SPATA6: variants seen among roughly 807,000 people sequenced by gnomAD.
SPATA6 encodes spermatogenesis-associated protein 6.
SPATA6 carries 56 observed loss-of-function variants against 65.3 expected under a neutral mutation model. The ratio of observed to expected loss-of-function variants is 0.86; its 90% CI spans 0.69 to 1.07. SPATA6 has a LOEUF of 1.07. Ranked by LOEUF, SPATA6 falls within the 50% of genes least tolerant of loss-of-function variation. SPATA6 has a pLI of 0.00. For missense variants in SPATA6, 590 were observed against 594.8 expected (o/e 0.99, Z 0.08); for synonymous variants, 199 against 213.2 (o/e 0.93, Z 0.58).
rs145327091 is a variant in SPATA6 at position 48,323,055 on chromosome 1, G to A, written c.1195-17177C>T. 9.1e-4 allele frequency among the ~76,000 whole-genome samples: 138 copies of A among 152,254 alleles called. 1 individual carries two copies. In the East Asian group the frequency reaches 0.023, roughly 26 times the overall value. On this transcript the variant is annotated intron_variant, in intron 11 of 12. Transcript: ENST00000371847. ...AGAACTAGAAATACCATTTGACCCA[G>A]CAATCCCATTACTGGGTATATACCC...
chr1:48,324,563 C>A (rs533941913), intron 11 of SPATA6, among the ~76,000 whole-genome samples: 1 of 152,070 alleles, frequency 6.6e-6, no homozygotes, highest in African/African-American at 2.4e-5. Flanking sequence ...CAATGTGATA[C>A]ATCGTATCAA....
chr1:48,406,264 G>A (rs1458334750), intron 5 of SPATA6, among the ~76,000 whole-genome samples: 1 of 152,062 alleles, frequency 6.6e-6, no homozygotes, highest in Non-Finnish European at 1.5e-5. Flanking sequence ...TTGTTCATCA[G>A]TAAACCTCAG....
At chr1:48,332,317 T>C (rs1037833216) in intron 11 of SPATA6, among the ~76,000 whole-genome samples, 3 of 152,090 alleles carry the variant, frequency 2.0e-5, no homozygotes, top group African/African-American at 4.8e-5. Context: ...CAGGACCCAA[T>C]AGTATGCTGT....
At chr1:48,355,594 T>C (rs1393703152) in intron 11 of SPATA6, 76 bp downstream of exon 11, 1 of 1,012,320 alleles carries the variant, frequency 9.9e-7, no homozygotes, top group African/African-American at 1.7e-5. Context: ...GACTAAATTT[T>C]GTAAGCTTTA....
At chr1:48,370,275 T>C (rs1057300416) in intron 9 of SPATA6, among the ~76,000 whole-genome samples, 6 of 152,028 alleles carry the variant, frequency 3.9e-5, no homozygotes, top group African/African-American at 1.4e-4. Flanking sequence ...TACAAATAAT[T>C]CAAATGGAAT....
At chr1:48,281,584 A>G in the SPATA6 span, among the ~76,000 whole-genome samples, 1 of 151,896 alleles carries the variant, frequency 6.6e-6, no homozygotes, top group South Asian at 2.1e-4. Flanking sequence ...CCCATTCACA[A>G]TTGCTTCAAA....
At chr1:48,403,601 T>C (rs1019382667) in intron 6 of SPATA6, among the ~76,000 whole-genome samples, 7 of 152,120 alleles carry the variant, frequency 4.6e-5, no homozygotes, top group African/African-American at 1.4e-4. Context: ...ACATCCTCTA[T>C]CATACACACC....
At chr1:48,407,713 C>T (rs1300140966) in intron 5 of SPATA6, among the ~76,000 whole-genome samples, 1 of 152,178 alleles carries the variant, frequency 6.6e-6, no homozygotes, top group African/African-American at 2.4e-5. Flanking sequence ...ATCCTGAATT[C>T]ATTGTTTGTG....
chr1:48,279,474 A>G, the SPATA6 span, among the ~76,000 whole-genome samples: 869 of 152,170 alleles, frequency 5.7e-3, 3 homozygotes, highest in Middle Eastern at 0.014. Flanking sequence ...TCAAAATAAA[A>G]GGATGGAGGA....
chr1:48,420,536 A>G (rs1315322634), intron 3 of SPATA6, among the ~76,000 whole-genome samples: 2 of 152,184 alleles, frequency 1.3e-5, no homozygotes, highest in Non-Finnish European at 2.9e-5. Flanking sequence ...ATTAAATTGG[A>G]GGACACTCAA....
the SPATA6 span, among the ~76,000 whole-genome samples, chr1:48,283,076 C>T: frequency 1.3e-5 from 2 of 150,866 alleles, no homozygotes; most frequent in South Asian, 2.1e-4. Flanking sequence ...AGTAAACTAT[C>T]GCAAGAACAA....
chr1:48,442,920 T>C (rs1053410956), intron 3 of SPATA6, among the ~76,000 whole-genome samples: 1 of 152,082 alleles, frequency 6.6e-6, no homozygotes, highest in Non-Finnish European at 1.5e-5. Flanking sequence ...TCAAAAATCC[T>C]TAACCCAGCA....
At chr1:48,359,010 G>A (rs965243918) in intron 10 of SPATA6, among the ~76,000 whole-genome samples, 5 of 152,052 alleles carry the variant, frequency 3.3e-5, no homozygotes, top group Admixed American at 2.0e-4. Context: ...TACTATTAGT[G>A]ACAGAGGCAA....
chr1:48,363,242 A>T (rs1646873940), intron 9 of SPATA6, among the ~76,000 whole-genome samples: 1 of 152,174 alleles, frequency 6.6e-6, no homozygotes, highest in African/African-American at 2.4e-5. Flanking sequence ...CTTCAGCCTT[A>T]GCTTAAAAAA....
chr1:48,453,172 AT>A (rs756364100), intron 1 of SPATA6, 41 bp from the exon 2 acceptor site: 1 of 1,590,054 alleles, frequency 6.3e-7, no homozygotes, highest in Admixed American at 1.8e-5. Flanking sequence ...TGCTTTATAA[AT>A]TCCCTGAACT....
intron 8 of SPATA6, among the ~76,000 whole-genome samples, chr1:48,385,921 A>G (rs1344192922): frequency 6.6e-6 from 1 of 152,174 alleles, no homozygotes; most frequent in Non-Finnish European, 1.5e-5. Context: ...CTTTCATAAT[A>G]TTGTTTTAAA....
At chr1:48,284,651 T>C in the SPATA6 span, among the ~76,000 whole-genome samples, 3,759 of 151,944 alleles carry the variant, frequency 0.025, 98 homozygotes, top group African/African-American at 0.067. Context: ...GATGCTATTC[T>C]TTTCTGTTTG....
In SPATA6 at chr1:48,436,149, A is replaced by G. The variant is rs560386626; in HGVS notation, c.238+15403T>C. The G allele has an allele frequency of 3.1e-6, 5 of 1,610,310 alleles. No individual in the cohort carries two copies. In the African/African-American group the frequency reaches 5.3e-5, roughly 17 times the overall value. ...CCAACGTTTCTCACTACGAGCTCCA[A>G]GTAGAAACAGGAAGAGGATTTGACA... On this transcript the variant is annotated intron_variant, in intron 3 of 12. Transcript: ENST00000371847.
At chr1:48,420,094 G>A (rs1476142549) in intron 3 of SPATA6, among the ~76,000 whole-genome samples, 1 of 152,050 alleles carries the variant, frequency 6.6e-6, no homozygotes, top group Non-Finnish European at 1.5e-5. Flanking sequence ...GAGGAGTGGA[G>A]GGTCAAGTTG....
Sources: gnomAD v4.1 joint callset for allele counts (sites outside exome capture counted in the v4.1 genomes callset) on GRCh38, gnomAD v4.1.1 for gene constraint, MANE v1.5 for transcripts, NCBI Gene and HGNC (gene_info 2026-07-23, HGNC 2026-07-21) for gene names.